Variants in PCDHA10 observed in about 807,000 individuals in gnomAD.
The protein encoded by PCDHA10 is protocadherin alpha-10.
PCDHA10 carries 45 observed loss-of-function variants against 61.2 expected under a neutral mutation model. That is an observed-to-expected ratio of 0.74 (90% CI 0.58 to 0.94). PCDHA10 has a LOEUF of 0.94. Among genes scored for constraint, PCDHA10 ranks in the 40% least tolerant of loss-of-function variants. PCDHA10 has a pLI of 0.00. For missense variants in PCDHA10, 1,278 were observed against 1,236.2 expected, an observed-to-expected ratio of 1.03 and a Z score of -0.51; for synonymous variants, 602 against 548.8, an observed-to-expected ratio of 1.10 and a Z score of -1.35.
chr5:141,006,505 G>A (rs2098276412), intron 3 of PCDHA10, among the ~76,000 whole-genome samples: 2 of 152,020 alleles, frequency 1.3e-5, no homozygotes, highest in African/African-American at 4.8e-5. Flanking sequence ...GAGCCACCGC[G>A]CCTGGCTGTT....
chr5:140,921,289 A>G (rs2080153256), intron 1 of PCDHA10, among the ~76,000 whole-genome samples: 1 of 152,172 alleles, frequency 6.6e-6, no homozygotes, highest in African/African-American at 2.4e-5. Flanking sequence ...AAAACCTCAA[A>G]TTTGCTGAAT....
At chr5:140,946,868 T>C (rs1468330981) in intron 1 of PCDHA10, among the ~76,000 whole-genome samples, 1 of 151,412 alleles carries the variant, frequency 6.6e-6, no homozygotes, top group Admixed American at 6.6e-5. Context: ...GAGAGGTTGG[T>C]CAATGGGTAC....
intron 1 of PCDHA10, among the ~76,000 whole-genome samples, chr5:140,907,687 G>A (rs1554193091): frequency 6.6e-6 from 1 of 152,220 alleles, no homozygotes; most frequent in East Asian, 1.9e-4. Context: ...GCCTTGGTGA[G>A]TGGAAGTCCC....
intron 1 of PCDHA10, chr5:140,883,596 T>C: frequency 1.2e-6 from 2 of 1,613,794 alleles, no homozygotes; most frequent in East Asian, 4.5e-5. Context: ...AGCGTGTCGG[T>C]GGGGGTGGCC....
intron 1 of PCDHA10, among the ~76,000 whole-genome samples, chr5:140,976,876 G>A (rs1166300025): frequency 6.6e-6 from 1 of 152,160 alleles, no homozygotes; most frequent in Non-Finnish European, 1.5e-5. Flanking sequence ...GACAAAGAAA[G>A]AATTAGGATA....
intron 1 of PCDHA10, among the ~76,000 whole-genome samples, chr5:140,950,449 T>G (rs1377637881): frequency 4.6e-5 from 7 of 152,088 alleles, no homozygotes; most frequent in African/African-American, 1.7e-4. Flanking sequence ...GTTATTCTAC[T>G]GTCTTCTAAT....
At chr5:140,909,360 T>C (rs2074454382) in intron 1 of PCDHA10, among the ~76,000 whole-genome samples, 1 of 152,222 alleles carries the variant, frequency 6.6e-6, no homozygotes, top group South Asian at 2.1e-4. Flanking sequence ...ATGTGTTAAT[T>C]TGTTCAAGCA....
rs375716587 is a variant in PCDHA10 at position 140,871,025 on chromosome 5, C to T, written c.2388+12589C>T. ...ACGCGTGCCCTGGACGAGGCAGACT[C>T]GCCGCGCCACCGACTTCTAGTACTG... On this transcript the variant is annotated intron_variant, in intron 1 of 3. Transcript: ENST00000307360. 13 of 1,613,228 alleles carry T rather than the reference C, an allele frequency of 8.1e-6. No homozygotes were observed. Among genetic ancestry groups the T allele is most frequent in the Admixed American group, 1.7e-5 (1 of 60,010 alleles).
intron 1 of PCDHA10, among the ~76,000 whole-genome samples, chr5:140,960,837 G>A (rs1554225051): frequency 6.6e-6 from 1 of 151,456 alleles, no homozygotes; most frequent in African/African-American, 2.5e-5. Flanking sequence ...ACTTGGAACA[G>A]GTTTAATGGC....
At chr5:140,917,863 G>A (rs182359679) in intron 1 of PCDHA10, among the ~76,000 whole-genome samples, 1 of 151,750 alleles carries the variant, frequency 6.6e-6, no homozygotes, top group East Asian at 1.9e-4. Context: ...GGATTGCTTT[G>A]ACTATTTGGG....
intron 1 of PCDHA10, among the ~76,000 whole-genome samples, chr5:140,887,955 C>A (rs568878730): frequency 4.4e-4 from 67 of 152,206 alleles, no homozygotes; most frequent in African/African-American, 1.6e-3. Flanking sequence ...GTATAAGATT[C>A]TTTTTGTCTC....
At position 140,876,683 on chromosome 5, in the gene PCDHA10, A is replaced by G. The variant is rs782371303; in HGVS notation, c.2388+18247A>G. ...AAGCTGGTGTCCACCTACAAGAATT[A>G]CTACTCGTTGGTGCTGGACAGCGCC... On this transcript the variant is annotated intron_variant, in intron 1 of 3. Coordinates refer to ENST00000307360, the MANE Select transcript of PCDHA10 (RefSeq NM_018901.4). 5 of 1,614,094 alleles carry G rather than the reference A, an allele frequency of 3.1e-6. No homozygotes were observed. In the South Asian group the frequency reaches 5.5e-5, roughly 18 times the overall value.
intron 1 of PCDHA10, chr5:140,875,824 C>T (rs1554167977): frequency 7.4e-6 from 12 of 1,614,156 alleles, no homozygotes; most frequent in East Asian, 2.2e-5. Context: ...GCAGGTTTTC[C>T]ATGTGGACGT....
At chr5:140,915,995 C>T (rs1256886751) in intron 1 of PCDHA10, among the ~76,000 whole-genome samples, 4 of 152,180 alleles carry the variant, frequency 2.6e-5, no homozygotes, top group African/African-American at 4.8e-5. Context: ...TAAGCTGGCA[C>T]TCAAACCACA....
intron 1 of PCDHA10, chr5:140,882,471 C>A: frequency 6.2e-7 from 1 of 1,614,024 alleles, no homozygotes; most frequent in African/African-American, 1.3e-5. Flanking sequence ...CGGGTGGCGT[C>A]CAAAAGACAC....
chr5:140,903,020 A>G lies in PCDHA10; in HGVS notation c.2388+44584A>G, dbSNP rs375776888. ...AATTGTGAATTGTGCTGCTATCAAC[A>G]TGGCTTGCACATGTGTCTTTTTCAT... On this transcript the variant is annotated intron_variant, in intron 1 of 3. Coordinates refer to ENST00000307360, the MANE Select transcript of PCDHA10 (RefSeq NM_018901.4). Among the ~76,000 whole-genome samples the G allele has an allele frequency of 2.4e-4, 36 of 152,312 alleles. No homozygotes were observed. In the East Asian group the frequency reaches 6.4e-3, roughly 27 times the overall value.
At chr5:140,954,592 T>G (rs1250050362) in intron 1 of PCDHA10, among the ~76,000 whole-genome samples, 13 of 152,236 alleles carry the variant, frequency 8.5e-5, no homozygotes, top group Non-Finnish European at 5.9e-5. Flanking sequence ...TCTGTTCATG[T>G]TCTTTGCCCA....
At chr5:140,872,134 A>C (rs938546166) in intron 1 of PCDHA10, among the ~76,000 whole-genome samples, 1 of 152,112 alleles carries the variant, frequency 6.6e-6, no homozygotes, top group Non-Finnish European at 1.5e-5. Context: ...CAAAGCTAGA[A>C]TACTCCATTA....
chr5:140,904,619 T>C (rs1554191627), intron 1 of PCDHA10, among the ~76,000 whole-genome samples: 1 of 152,126 alleles, frequency 6.6e-6, no homozygotes, highest in African/African-American at 2.4e-5. Context: ...GTTTTACTTT[T>C]AGTTCTTTAA....
Sources: allele counts gnomAD v4.1 joint callset (sites outside exome capture counted in the v4.1 genomes callset), GRCh38; gene constraint gnomAD v4.1.1; transcripts MANE v1.5; gene names NCBI Gene and HGNC (gene_info 2026-07-23, HGNC 2026-07-21).